Variants in SLC35A1 observed in about 807,000 individuals in gnomAD.
SLC35A1 encodes CMP-sialic acid transporter.
A neutral mutation model predicts 40.3 loss-of-function variants in SLC35A1; 21 were observed. That is an observed-to-expected ratio of 0.52 (90% CI 0.37 to 0.75). SLC35A1 has a LOEUF of 0.75. SLC35A1 is among the 30% of genes least tolerant of loss of function. The pLI, the probability that SLC35A1 is intolerant of heterozygous loss-of-function variation, is 0.00. For missense variants in SLC35A1, 297 were observed against 382.1 expected, an observed-to-expected ratio of 0.78 and a Z score of 1.86; for synonymous variants, 146 against 147.3, an observed-to-expected ratio of 0.99 and a Z score of 0.06.
At chr6:87,503,729 C>T (rs891997959) in intron 4 of SLC35A1, among the ~76,000 whole-genome samples, 3 of 152,006 alleles carry the variant, frequency 2.0e-5, no homozygotes, top group Non-Finnish European at 2.9e-5. Flanking sequence ...ATAATAATAA[C>T]AATAATATGC....
At chr6:87,492,233 C>T (rs1008313227) in intron 2 of SLC35A1, among the ~76,000 whole-genome samples, 1 of 152,164 alleles carries the variant, frequency 6.6e-6, no homozygotes, top group African/African-American at 2.4e-5. Context: ...CAATTGCCCT[C>T]CAATGTCCTT....
In SLC35A1 at chr6:87,506,479, T is replaced by G. The variant is rs773512219; in HGVS notation, c.574+31T>G. 21 of 1,595,330 alleles carry G rather than the reference T, an allele frequency of 1.3e-5. No individual in the cohort carries two copies. In the Admixed American group the frequency reaches 3.5e-4, roughly 27 times the overall value. On this transcript the variant is annotated intron_variant, in intron 5 of 7. Coordinates refer to ENST00000369552, the MANE Select transcript of SLC35A1 (RefSeq NM_006416.5). ...TCATGAAAGCATTGTTTTATTCTTT[T>G]GTCATATTTTTCGAAAACATCAAAC...
rs575696130 is a variant in SLC35A1, at chr6:87,502,537, G to A, written c.507+1227G>A. The stretch of plus-strand genomic sequence containing the variant: ...TATTGTTCCTAGGCTACAAACTTCT[G>A]CAGCATGTTACTGTGCTGAATACTG... On this transcript the variant is annotated intron_variant, in intron 4 of 7. Coordinates refer to ENST00000369552, the MANE Select transcript of SLC35A1 (RefSeq NM_006416.5). Among the ~76,000 whole-genome samples, 100 of 152,272 alleles carry A rather than the reference G, an allele frequency of 6.6e-4. No homozygotes were observed. In the Middle Eastern group the frequency reaches 0.01, roughly 16 times the overall value.
At position 87,500,524 on chromosome 6, in the gene SLC35A1, G is replaced by A. The variant is rs983909888; in HGVS notation, c.211G>A (p.Gly71Ser). 1.2e-6 allele frequency: 2 copies of A among 1,613,942 alleles called. No individual in the cohort carries two copies. The highest frequency in any genetic ancestry group is 1.7e-6 in the Non-Finnish European group (2 of 1,179,976). Residue 71 changes from glycine to serine, a missense_variant, in exon 3 of 8, where the codon GGT becomes AGT. Physicochemically the swap from Gly to Ser is moderately conservative, Grantham distance 56. Transcript: ENST00000369552. ...GILAKETGSL[G>S]RFKASLRENV... ...TTTTCAAAGAGAAACTGGTAGTCTG[G>A]GTAGATTCAAAGCATCTTTAAGAGA...
chr6:87,485,940 GA>G (rs1769376062), intron 2 of SLC35A1, among the ~76,000 whole-genome samples: 1 of 152,090 alleles, frequency 6.6e-6, no homozygotes, highest in Non-Finnish European at 1.5e-5. Flanking sequence ...TATTTAAATG[GA>G]AAAAAATTAA....
At chr6:87,492,751 T>C (rs991612972) in intron 2 of SLC35A1, among the ~76,000 whole-genome samples, 14 of 152,014 alleles carry the variant, frequency 9.2e-5, no homozygotes, top group African/African-American at 3.1e-4. Flanking sequence ...GGTTTCACCA[T>C]GTTTGCTAGG....
At chr6:87,494,545 C>T (rs544395667) in intron 2 of SLC35A1, among the ~76,000 whole-genome samples, 10 of 151,598 alleles carry the variant, frequency 6.6e-5, no homozygotes, top group South Asian at 2.1e-4. Flanking sequence ...GCCTCAGCCT[C>T]GCGAGGAGCT....
chr6:87,508,544 T>C lies in SLC35A1; in HGVS notation c.699T>C (p.Ile233=), dbSNP rs150233994. 1.2e-5 allele frequency: 19 copies of C among 1,613,244 alleles called. No individual in the cohort carries two copies. The African/African-American group carries it at 2.3e-4, about 19-fold the overall frequency. ...TCTACTTGTCAGATGGAGCTGAAAT[T>C]AAAGAAAAAGGATTTTTCTATGGTT... ...AGVYLSDGAE[I]KEKGFFYGYT... The change falls in exon 6 of 8, where the codon ATT becomes ATC. Residue 233 remains isoleucine, a synonymous_variant. Coordinates refer to ENST00000369552, the MANE Select transcript of SLC35A1 (RefSeq NM_006416.5).
chr6:87,494,579 C>T (rs976055637), intron 2 of SLC35A1, among the ~76,000 whole-genome samples: 9 of 151,898 alleles, frequency 5.9e-5, no homozygotes, highest in Non-Finnish European at 7.4e-5. Context: ...CCTGCCACCA[C>T]GCCTGGCTAT....
At chr6:87,489,920 AG>A (rs1769496659) in intron 2 of SLC35A1, among the ~76,000 whole-genome samples, 1 of 151,844 alleles carries the variant, frequency 6.6e-6, no homozygotes, top group African/African-American at 2.4e-5. Context: ...TATTTAAAAG[AG>A]AACTCTATTA....
At chr6:87,483,163 GTC>G (rs902232733) in intron 2 of SLC35A1, among the ~76,000 whole-genome samples, 33 of 151,342 alleles carry the variant, frequency 2.2e-4, no homozygotes, top group Non-Finnish European at 4.3e-4. Flanking sequence ...ACTTCTCTCT[GTC>G]TCTCTCTCTC....
At chr6:87,508,327 C>T in intron 5 of SLC35A1, 93 bp from the exon 6 acceptor site, 1 of 839,356 alleles carries the variant, frequency 1.2e-6, no homozygotes, top group Non-Finnish European at 1.9e-6. Flanking sequence ...AAATCATATA[C>T]TTTATATATC....
intron 4 of SLC35A1, among the ~76,000 whole-genome samples, chr6:87,503,975 T>C (rs764242060): frequency 2.6e-5 from 4 of 152,222 alleles, no homozygotes; most frequent in Non-Finnish European, 5.9e-5. Flanking sequence ...CACTAAATAC[T>C]AGCATTATCT....
intron 2 of SLC35A1, among the ~76,000 whole-genome samples, chr6:87,487,430 A>C (rs1472934019): frequency 2.6e-5 from 4 of 152,226 alleles, no homozygotes; most frequent in African/African-American, 4.8e-5. Context: ...TATACAGGGT[A>C]GTTTCCTGTG....
At chr6:87,504,488 C>G (rs1458856805) in intron 4 of SLC35A1, among the ~76,000 whole-genome samples, 1 of 151,994 alleles carries the variant, frequency 6.6e-6, no homozygotes, top group Non-Finnish European at 1.5e-5. Context: ...TTTTACTTTT[C>G]ACCAGAACCT....
intron 2 of SLC35A1, among the ~76,000 whole-genome samples, chr6:87,486,389 A>G (rs1769390809): frequency 6.6e-6 from 1 of 152,160 alleles, no homozygotes; most frequent in South Asian, 2.1e-4. Flanking sequence ...GTTTCAAGGT[A>G]TTGTTAATAA....
intron 4 of SLC35A1, among the ~76,000 whole-genome samples, chr6:87,505,349 G>C (rs970371996): frequency 2.0e-5 from 3 of 152,126 alleles, no homozygotes; most frequent in African/African-American, 7.2e-5. Context: ...GAAAGCTCCT[G>C]ACAGTTTAGA....
chr6:87,484,485 G>A (rs1428058992), intron 2 of SLC35A1, among the ~76,000 whole-genome samples: 2 of 152,172 alleles, frequency 1.3e-5, no homozygotes, highest in South Asian at 2.1e-4. Context: ...CCTGATGCAC[G>A]TGGCCCCTGC....
chr6:87,508,694 T>C (rs746261031), intron 6 of SLC35A1, 98 bp downstream of exon 6: 1 of 988,258 alleles, frequency 1.0e-6, no homozygotes, highest in South Asian at 1.5e-5. Flanking sequence ...AAATTAATCC[T>C]TTGATACTGT....
Sources: allele counts gnomAD v4.1 joint callset (sites outside exome capture counted in the v4.1 genomes callset), GRCh38; gene constraint gnomAD v4.1.1; transcripts MANE v1.5; gene names NCBI Gene and HGNC (gene_info 2026-07-23, HGNC 2026-07-21).